The following PCDH15 variants were observed in gnomAD, a reference collection of about 807,000 sequenced individuals.
The protein encoded by PCDH15 is protocadherin-15.
Under a neutral mutation model 178.5 loss-of-function variants are expected in PCDH15, and 129 were observed. That is an observed-to-expected ratio of 0.72 (90% CI 0.63 to 0.84). The LOEUF is 0.84. Among genes scored for constraint, PCDH15 ranks in the 40% least tolerant of loss-of-function variants. The pLI is 0.00. For synonymous variants in PCDH15, 800 were observed against 732.0 expected (o/e 1.09, Z -1.50); for missense variants, 2,230 against 2,099.9 (o/e 1.06, Z -1.21).
At chr10:54,843,562 G>A (rs977590004) in intron 3 of PCDH15, among the ~76,000 whole-genome samples, 5 of 151,732 alleles carry the variant, frequency 3.3e-5, no homozygotes, top group Non-Finnish European at 4.4e-5. Context: ...TTTGCTTGTC[G>A]ACTTTATATT....
intron 25 of PCDH15, among the ~76,000 whole-genome samples, chr10:53,915,429 T>C (rs1589401028): frequency 3.3e-5 from 5 of 152,302 alleles, no homozygotes; most frequent in Admixed American, 3.3e-4. Context: ...GCTTGGACAT[T>C]TAATTAATTA....
intron 9 of PCDH15, among the ~76,000 whole-genome samples, chr10:54,233,424 T>C (rs7080683): frequency 0.75 from 114,812 of 152,194 alleles, 44,600 homozygotes; most frequent in African/African-American, 0.86. Context: ...TTAACTTCCA[T>C]ACACTTGTGA....
rs190684551 is a variant in PCDH15 at position 54,854,561 on chromosome 10, C to G, written c.-29+42889G>C. On this transcript the variant is annotated intron_variant, in intron 3 of 5. Transcript: ENST00000458638. ...CAGCCAGAGTGTCCCAATGAGTGTT[C>G]AGCTCCTAGGAGAGTGGAGACCCTG... Among the ~76,000 whole-genome samples, 345 of 152,232 alleles carry G rather than the reference C, an allele frequency of 2.3e-3. 2 individuals carry two copies. Among genetic ancestry groups the G allele is most frequent in the African/African-American group, 8.1e-3 (338 of 41,556 alleles).
intron 2 of PCDH15, among the ~76,000 whole-genome samples, chr10:55,424,199 C>A (rs1459333161): frequency 6.6e-6 from 1 of 152,086 alleles, no homozygotes; most frequent in Non-Finnish European, 1.5e-5. Context: ...AAGATACACA[C>A]AATTATTTTG....
Position 54,154,131 on chromosome 10 carries a change from C to T in PCDH15, c.1591-838G>A, listed in dbSNP as rs185558576. 5.3e-5 allele frequency among the ~76,000 whole-genome samples: 8 copies of T among 152,138 alleles called. No individual in the cohort carries two copies. The East Asian group carries it at 1.4e-3, about 26-fold the overall frequency. ...ACTTCATCAAGCAACATTAAAGCAA[C>T]AGTGATTTATTATATTAAAAGTGGC... On this transcript the variant is annotated intron_variant, in intron 13 of 37. Transcript: ENST00000644397.
chr10:55,370,517 G>A (rs890767837), intron 2 of PCDH15, among the ~76,000 whole-genome samples: 1 of 151,948 alleles, frequency 6.6e-6, no homozygotes, highest in African/African-American at 2.4e-5. Flanking sequence ...GTCATTATTG[G>A]TTTTGCAACC....
intron 2 of PCDH15, among the ~76,000 whole-genome samples, chr10:55,097,615 A>G (rs1842476777): frequency 6.6e-6 from 1 of 152,130 alleles, no homozygotes; most frequent in African/African-American, 2.4e-5. Context: ...TCTGTATTGT[A>G]AAACCCAGAG....
intron 33 of PCDH15, among the ~76,000 whole-genome samples, chr10:53,818,877 C>A (rs1588910249): frequency 6.6e-6 from 1 of 151,938 alleles, no homozygotes; most frequent in South Asian, 2.1e-4. Context: ...ACAAAAGAAT[C>A]TCTGTAGAAA....
chr10:54,423,211 C>G (rs61853574), intron 3 of PCDH15, among the ~76,000 whole-genome samples: 8,514 of 152,114 alleles, frequency 0.056, 322 homozygotes, highest in Admixed American at 0.12. Flanking sequence ...ACCAGATGCT[C>G]CCCCTGCCAG....
chr10:54,765,769 G>A (rs74136276), intron 1 of PCDH15, among the ~76,000 whole-genome samples: 10,988 of 152,016 alleles, frequency 0.072, 1,330 homozygotes, highest in African/African-American at 0.25. Context: ...GTCATCCAAA[G>A]CCATGCTGAC....
In PCDH15 at chr10:54,659,007, A is replaced by C. The variant is rs149067697; in HGVS notation, c.91+5165T>G. Among the ~76,000 whole-genome samples the C allele has an allele frequency of 3.3e-5, 5 of 152,302 alleles. No individual in the cohort carries two copies. The East Asian group carries it at 5.8e-4, about 18-fold the overall frequency. ...GTGCTATTCTTGTATCAGATGAAAC[A>C]GATATTAAATCAAGAAAGGTAAAAA... On this transcript the variant is annotated intron_variant, in intron 2 of 37. Coordinates refer to ENST00000644397, the MANE Select transcript of PCDH15 (RefSeq NM_001384140.1).
At chr10:55,609,905 G>A (rs1843328504) in intron 2 of PCDH15, among the ~76,000 whole-genome samples, 1 of 152,032 alleles carries the variant, frequency 6.6e-6, no homozygotes, top group Admixed American at 6.6e-5. Context: ...AAAGCAAGTA[G>A]AAATAGCTCC....
At chr10:54,295,101 T>C (rs976925323) in intron 8 of PCDH15, among the ~76,000 whole-genome samples, 4 of 152,196 alleles carry the variant, frequency 2.6e-5, no homozygotes, top group African/African-American at 9.6e-5. Context: ...ATTCCAGTCA[T>C]ATTGAATTAG....
At chr10:54,870,158 T>C (rs1278956042) in intron 3 of PCDH15, among the ~76,000 whole-genome samples, 1 of 152,132 alleles carries the variant, frequency 6.6e-6, no homozygotes, top group African/African-American at 2.4e-5. Flanking sequence ...CTAAGGAAAA[T>C]CAGAAAGAGC....
chr10:55,528,205 T>A (rs902485700), intron 2 of PCDH15, among the ~76,000 whole-genome samples: 1 of 151,534 alleles, frequency 6.6e-6, no homozygotes, highest in Non-Finnish European at 1.5e-5. Flanking sequence ...CTCAGCTAAT[T>A]TTTTATTTTA....
At chr10:53,871,072 A>T (rs986469716) in intron 26 of PCDH15, among the ~76,000 whole-genome samples, 4 of 151,782 alleles carry the variant, frequency 2.6e-5, no homozygotes, top group African/African-American at 9.7e-5. Context: ...GGTGGCTCAC[A>T]CCTGTAATCT....
intron 1 of PCDH15, among the ~76,000 whole-genome samples, chr10:54,755,813 T>C (rs1407179581): frequency 6.6e-6 from 1 of 152,122 alleles, no homozygotes; most frequent in African/African-American, 2.4e-5. Context: ...AGCACTTTTT[T>C]CATTGGGTTA....
At chr10:53,888,318 G>GTACGTATATATATGTACGTATATATATA (rs2081279613) in intron 26 of PCDH15, among the ~76,000 whole-genome samples, 2 of 91,788 alleles carry the variant, frequency 2.2e-5, no homozygotes, top group Admixed American at 1.2e-4. Flanking sequence ...ATGTATATAT[G>GTACGTATATATATGTACGTATATATATA]TACGTATATA....
chr10:55,170,454 G>T (rs184061268), intron 1 of PCDH15, among the ~76,000 whole-genome samples: 18 of 152,194 alleles, frequency 1.2e-4, no homozygotes, highest in African/African-American at 4.1e-4. Context: ...AGCCTTAAAG[G>T]TGTCTTAAAG....
Sources: allele counts gnomAD v4.1 joint callset (sites outside exome capture counted in the v4.1 genomes callset), GRCh38; gene constraint gnomAD v4.1.1; transcripts MANE v1.5; gene names NCBI Gene and HGNC (gene_info 2026-07-23, HGNC 2026-07-21).